The following XKR7 variants were observed in gnomAD, a reference collection of about 807,000 sequenced individuals.
The protein encoded by XKR7 is XK related 7.
XKR7 carries 11 observed loss-of-function variants against 42.2 expected under a neutral mutation model. That is an observed-to-expected ratio of 0.26 (90% CI 0.16 to 0.43). The LOEUF is 0.43. Among genes scored for constraint, XKR7 ranks in the 20% least tolerant of loss-of-function variants. The pLI is 1.00. For synonymous variants in XKR7, 346 were observed against 366.4 expected (o/e 0.94, Z 0.64); for missense variants, 710 against 802.2 (o/e 0.89, Z 1.39).
At position 31,995,033 on chromosome 20, in the gene XKR7, C is replaced by G; in HGVS notation, c.585-35C>G. ...GGTGCGACAGAGCGAGAGGAACCAG[C>G]GCGCGGGAGCCTGAGCACCGCGTCC... On this transcript the variant is annotated intron_variant, in intron 1 of 2. Transcript: ENST00000562532. The surrounding 1 kb of genome is among the most constrained non-coding windows in gnomAD (Gnocchi z 4.1). The G allele has an allele frequency of 6.5e-7, 1 of 1,538,866 alleles. No individual in the cohort carries two copies. The highest frequency in any genetic ancestry group is 8.7e-7 in the Non-Finnish European group (1 of 1,145,100).
Position 31,995,421 on chromosome 20 carries a change from C to A in XKR7, c.787+151C>A. On this transcript the variant is annotated intron_variant, in intron 2 of 2. Coordinates refer to ENST00000562532, the MANE Select transcript of XKR7 (RefSeq NM_001011718.2). The surrounding 1 kb of genome is among the most constrained non-coding windows in gnomAD (Gnocchi z 4.1). Reference sequence around the variant, plus strand: ...TAGGGAGGCCTGCCCCTTCTACCCTCACCACCCTCCAGGCCTCTCGAGACC... The same window carrying A: ...TAGGGAGGCCTGCCCCTTCTACCCTAACCACCCTCCAGGCCTCTCGAGACC... 1 of 1,322,648 alleles carries A rather than the reference C, an allele frequency of 7.6e-7. No individual in the cohort carries two copies. Among genetic ancestry groups the A allele is most frequent in the Non-Finnish European group, 1.0e-6 (1 of 984,266 alleles). The allele number at this position is 1,322,648 out of a possible 1,614,324, so 81.9% of individuals were successfully genotyped here.
intron 1 of XKR7, among the ~76,000 whole-genome samples, chr20:31,985,856 G>A (rs1331359840): frequency 4.8e-5 from 5 of 103,164 alleles, no homozygotes; most frequent in East Asian, 6.0e-4. Flanking sequence ...ACCACCAAGC[G>A]GACCCAGCAT....
chr20:31,995,715 C>T lies in XKR7; in HGVS notation c.787+445C>T, dbSNP rs536500573. 6.6e-6 allele frequency among the ~76,000 whole-genome samples: 1 copy of T among 151,854 alleles called. No homozygotes were observed. Among genetic ancestry groups the T allele is most frequent in the South Asian group, 2.1e-4 (1 of 4,820 alleles). On this transcript the variant is annotated intron_variant, in intron 2 of 2. Coordinates refer to ENST00000562532, the MANE Select transcript of XKR7 (RefSeq NM_001011718.2). This position sits in a 1 kb window ranked among gnomAD's most constrained non-coding sequence, Gnocchi z 4.1. The stretch of plus-strand genomic sequence containing the variant: ...CCAATCACCATCAGTTTCCAGAGAG[C>T]CTACCCCTTCACTGGGGGGCCCCGG...
intron 1 of XKR7, among the ~76,000 whole-genome samples, chr20:31,990,300 G>C (rs1019320501): frequency 6.6e-6 from 1 of 151,784 alleles, no homozygotes; most frequent in African/African-American, 2.4e-5. Context: ...CAAAGTGTTG[G>C]GATTACAGGT....
At chr20:31,980,940 C>T (rs770006125) in intron 1 of XKR7, among the ~76,000 whole-genome samples, 2 of 151,820 alleles carry the variant, frequency 1.3e-5, no homozygotes, top group Non-Finnish European at 2.9e-5. Context: ...TGGTATATGC[C>T]TATGTTCCCA....
At position 31,968,181 on chromosome 20, in the gene XKR7, C is replaced by T. The variant is rs943495592; in HGVS notation, c.6C>T (p.Ala2=). The change falls in exon 1 of 3, where the codon GCC becomes GCT. Residue 2 remains alanine, a synonymous_variant. Coordinates refer to ENST00000562532, the MANE Select transcript of XKR7 (RefSeq NM_001011718.2). The surrounding 1 kb of genome is among the most constrained non-coding windows in gnomAD (Gnocchi z 4.5). M[A]AKSDGAAASA... is the part of the protein sequence containing the mutation. ...CCGCCTCCCTCTCCGCCAACATGGCCGCGAAGTCGGATGGAGCGGCGGCCT... is the reference window on the plus strand; with the variant it reads ...CCGCCTCCCTCTCCGCCAACATGGCTGCGAAGTCGGATGGAGCGGCGGCCT... 5.1e-6 allele frequency: 6 copies of T among 1,173,868 alleles called. No homozygotes were observed. In the African/African-American group the frequency reaches 9.6e-5, roughly 19 times the overall value. 72.7% of individuals were successfully genotyped at this position (1,173,868 alleles called of 1,614,324 possible).
chr20:31,996,103 T>C (rs750766936), intron 2 of XKR7, among the ~76,000 whole-genome samples: 1 of 151,652 alleles, frequency 6.6e-6, no homozygotes, highest in Non-Finnish European at 1.5e-5. Context: ...CGACTTCTAA[T>C]GGCCCCCTCC....
intron 1 of XKR7, among the ~76,000 whole-genome samples, chr20:31,989,033 A>T (rs2064555965): frequency 6.6e-6 from 1 of 152,174 alleles, no homozygotes; most frequent in East Asian, 1.9e-4. Flanking sequence ...GCCCTCATGG[A>T]TTCACAGTGG....
intron 1 of XKR7, among the ~76,000 whole-genome samples, chr20:31,993,109 CACACACAT>C (rs1023265305): frequency 6.7e-6 from 1 of 148,596 alleles, no homozygotes; most frequent in Non-Finnish European, 1.5e-5. Flanking sequence ...CACACACACA[CACACACAT>C]ACACATACAC....
chr20:31,998,968 G>C lies in XKR7; in HGVS notation c.*1511G>C, dbSNP rs962343582. The C allele has an allele frequency of 6.6e-6, 1 of 152,362 alleles. No individual in the cohort carries two copies. Among genetic ancestry groups the C allele is most frequent in the African/African-American group, 2.4e-5 (1 of 41,422 alleles). 9.4% of individuals were successfully genotyped at this position (152,362 alleles called of 1,614,324 possible). ...GATTGAGGGGGCGTATGGGAGAGGG[G>C]AAGTAGGCAGTTCCATGGGGTGAGG... On this transcript the variant is annotated 3_prime_UTR_variant, in exon 3 of 3. Transcript: ENST00000562532.
At chr20:31,972,168 C>T (rs766614294) in intron 1 of XKR7, among the ~76,000 whole-genome samples, 4 of 152,160 alleles carry the variant, frequency 2.6e-5, no homozygotes, top group Non-Finnish European at 5.9e-5. Context: ...TGCACACCTA[C>T]CGTGTCCCCA....
intron 1 of XKR7, among the ~76,000 whole-genome samples, chr20:31,969,135 T>A (rs575543876): frequency 6.6e-6 from 1 of 152,170 alleles, no homozygotes; most frequent in Non-Finnish European, 1.5e-5. Context: ...TCTGCCTGAG[T>A]GCCAAGCCTG....
chr20:31,969,163 A>G (rs1008489095), intron 1 of XKR7, among the ~76,000 whole-genome samples: 1 of 152,238 alleles, frequency 6.6e-6, no homozygotes, highest in African/African-American at 2.4e-5. Context: ...GAAAGATCTC[A>G]GAAGTCCTTT....
intron 1 of XKR7, among the ~76,000 whole-genome samples, chr20:31,978,986 T>C (rs2064498406): frequency 6.6e-6 from 1 of 151,402 alleles, no homozygotes; most frequent in South Asian, 2.1e-4. Flanking sequence ...AATACAAAAA[T>C]TAGCTGGGCA....
At chr20:31,969,504 C>T (rs1026860246) in intron 1 of XKR7, among the ~76,000 whole-genome samples, 2 of 152,226 alleles carry the variant, frequency 1.3e-5, no homozygotes, top group African/African-American at 4.8e-5. Flanking sequence ...TCTTCTTCCT[C>T]TGCCAGAACT....
chr20:31,976,625 TC>T (rs2064486577), intron 1 of XKR7, among the ~76,000 whole-genome samples: 1 of 152,170 alleles, frequency 6.6e-6, no homozygotes, highest in African/African-American at 2.4e-5. Flanking sequence ...CCTCAGGCGA[TC>T]CACCTGCCTC....
chr20:31,982,660 A>G (rs1159368210), intron 1 of XKR7, among the ~76,000 whole-genome samples: 20 of 152,194 alleles, frequency 1.3e-4, no homozygotes, highest in Admixed American at 1.3e-3. Flanking sequence ...CGAAGTACAT[A>G]TAAAAGGTAT....
At chr20:31,993,502 C>G (rs2064578529) in intron 1 of XKR7, among the ~76,000 whole-genome samples, 1 of 152,192 alleles carries the variant, frequency 6.6e-6, no homozygotes, top group African/African-American at 2.4e-5. Flanking sequence ...GGATTGATCT[C>G]AGGACTTCAG....
In XKR7 at chr20:31,976,865, C is replaced by T. The variant is rs372243701; in HGVS notation, c.584+8106C>T. On this transcript the variant is annotated intron_variant, in intron 1 of 2. Transcript: ENST00000562532. ...GGCTTTCCCGCTGGATCACAAACCC[C>T]TGGGGAGTTGAGGCTTTGTTGCTTT... Among the ~76,000 whole-genome samples, 15 of 152,294 alleles carry T rather than the reference C, an allele frequency of 9.8e-5. No homozygotes were observed. In the East Asian group the frequency reaches 2.9e-3, roughly 29 times the overall value.
Sources: allele counts gnomAD v4.1 joint callset (sites outside exome capture counted in the v4.1 genomes callset), GRCh38; gene constraint gnomAD v4.1.1; non-coding constraint Gnocchi (gnomAD v3.1); transcripts MANE v1.5; gene names NCBI Gene and HGNC (gene_info 2026-07-23, HGNC 2026-07-21).